Variants in INSYN1 observed in about 807,000 individuals in gnomAD.
The protein encoded by INSYN1 is UPF0583 protein C15orf59.
In INSYN1, 7 loss-of-function variants were observed where a neutral mutation model predicts 17.1. That is an observed-to-expected ratio of 0.41 (90% CI 0.23 to 0.77). The LOEUF (loss-of-function observed/expected upper bound fraction) is 0.77. INSYN1 is among the 30% of genes least tolerant of loss of function. The pLI is 0.32. For synonymous variants in INSYN1, 174 were observed against 166.3 expected, an observed-to-expected ratio of 1.05 and a Z score of -0.36; for missense variants, 339 against 400.6, an observed-to-expected ratio of 0.85 and a Z score of 1.31.
At chr15:73,741,325 G>A (rs1176529171) in intron 2 of INSYN1, among the ~76,000 whole-genome samples, 1 of 152,156 alleles carries the variant, frequency 6.6e-6, no homozygotes, top group Non-Finnish European at 1.5e-5. Context: ...GATCAATCCT[G>A]GCTTGTTGAG....
At chr15:73,749,392 C>A (rs1015738223) in intron 2 of INSYN1, among the ~76,000 whole-genome samples, 3 of 152,060 alleles carry the variant, frequency 2.0e-5, no homozygotes, top group African/African-American at 7.2e-5. Flanking sequence ...GGTGGCTATG[C>A]GGTGGGGAGA....
Position 73,737,480 on chromosome 15 carries a change from T to A in INSYN1, c.*2437A>T, listed in dbSNP as rs1901558737. 1 of 152,238 alleles carries A rather than the reference T, an allele frequency of 6.6e-6. No individual in the cohort carries two copies. The highest frequency in any genetic ancestry group is 2.4e-5 in the African/African-American group (1 of 41,454). 9.4% of individuals were successfully genotyped at this position (152,238 alleles called of 1,614,324 possible). On this transcript the variant is annotated 3_prime_UTR_variant, in exon 3 of 3. Transcript: ENST00000569673. ...CTATCGCTGATCAGCACCAAATGGC[T>A]GAGGATTTCCTGGGGCTGATAGAGG...
rs1199396986 is a variant in INSYN1 at position 73,738,688 on chromosome 15, T to C, written c.*1229A>G. On this transcript the variant is annotated 3_prime_UTR_variant, in exon 3 of 3. Transcript: ENST00000569673. ...ACAGAGCGAGACTCCATCTCAAAAA[T>C]AAAAAAAATAAAAATAAAAAAAGAA... 1 of 148,460 alleles carries C rather than the reference T, an allele frequency of 6.7e-6. No homozygotes were observed. The highest frequency in any genetic ancestry group is 1.5e-5 in the Non-Finnish European group (1 of 66,958). The allele number at this position is 148,460 out of a possible 1,614,324, so 9.2% of individuals were successfully genotyped here.
At chr15:73,750,148 C>T (rs1901941349) in intron 2 of INSYN1, among the ~76,000 whole-genome samples, 1 of 152,228 alleles carries the variant, frequency 6.6e-6, no homozygotes, top group Non-Finnish European at 1.5e-5. Flanking sequence ...GCTAGCAGCT[C>T]AGAACGCTGG....
At position 73,751,311 on chromosome 15, in the gene INSYN1, C is replaced by G; in HGVS notation, c.-181G>C. On this transcript the variant is annotated 5_prime_UTR_variant, in exon 2 of 3. Transcript: ENST00000569673. ...CCCTGCCACCCAGCCTCCTCTGCCTCTGGGTGGAGAGTGGGACACCCAGAG... is the reference window on the plus strand; with the variant it reads ...CCCTGCCACCCAGCCTCCTCTGCCTGTGGGTGGAGAGTGGGACACCCAGAG... The G allele has an allele frequency of 1.6e-6, 1 of 643,994 alleles. No homozygotes were observed. Among genetic ancestry groups the G allele is most frequent in the Non-Finnish European group, 2.7e-6 (1 of 374,938 alleles). The allele number at this position is 643,994 out of a possible 1,614,324, so 39.9% of individuals were successfully genotyped here.
intron 2 of INSYN1, among the ~76,000 whole-genome samples, chr15:73,744,743 GGAGA>G (rs1250630080): frequency 6.6e-6 from 1 of 152,046 alleles, no homozygotes; most frequent in Non-Finnish European, 1.5e-5. Flanking sequence ...AAAGAGAGGG[GGAGA>G]GAGAGAGTGG....
chr15:73,736,682 G>C lies in INSYN1; in HGVS notation c.*3235C>G, dbSNP rs1901537069. ...GAGGCCAAGGTGGGCAGATCACAAA[G>C]TCAAGAGATCAAGACCATCCTGGCC... On this transcript the variant is annotated 3_prime_UTR_variant, in exon 3 of 3. Transcript: ENST00000569673. 1 of 152,230 alleles carries C rather than the reference G, an allele frequency of 6.6e-6. No individual in the cohort carries two copies. The highest frequency in any genetic ancestry group is 2.4e-5 in the African/African-American group (1 of 41,446). The allele number at this position is 152,230 out of a possible 1,614,324, so 9.4% of individuals were successfully genotyped here. A position where few individuals can be genotyped will look rare whatever the true frequency, so the allele number is the denominator to read the frequency against.
rs1322531878 is a variant in INSYN1 at position 73,738,190 on chromosome 15, G to A, written c.*1727C>T. The A allele has an allele frequency of 6.6e-6, 1 of 152,282 alleles. No homozygotes were observed. Among genetic ancestry groups the A allele is most frequent in the African/African-American group, 2.4e-5 (1 of 41,460 alleles). The allele number at this position is 152,282 out of a possible 1,614,324, so 9.4% of individuals were successfully genotyped here. On this transcript the variant is annotated 3_prime_UTR_variant, in exon 3 of 3. Transcript: ENST00000569673. Reference sequence around the variant, plus strand: ...GAGCTCCACAGCAGCTGGTGAGGTAGGTGAAGACTACCAGACCCATTATAC... The same window carrying A: ...GAGCTCCACAGCAGCTGGTGAGGTAAGTGAAGACTACCAGACCCATTATAC...
At chr15:73,744,906 G>A (rs1404775956) in intron 2 of INSYN1, among the ~76,000 whole-genome samples, 1 of 141,530 alleles carries the variant, frequency 7.1e-6, no homozygotes, top group Non-Finnish European at 1.5e-5. Flanking sequence ...GGGACCAGAG[G>A]GTGAGTCTTG....
In INSYN1 at chr15:73,750,989, T is replaced by C; in HGVS notation, c.142A>G (p.Lys48Glu). The C allele has an allele frequency of 6.2e-7, 1 of 1,614,076 alleles. No homozygotes were observed. Among genetic ancestry groups the C allele is most frequent in the Non-Finnish European group, 8.5e-7 (1 of 1,179,994 alleles). ...CCCTCACTTACCTCCCTCAGCTCCTTGGCCACCTCCTTGAGCTCGCGAAGG... is the reference window on the plus strand; with the variant it reads ...CCCTCACTTACCTCCCTCAGCTCCTCGGCCACCTCCTTGAGCTCGCGAAGG... The part of the protein sequence containing the change: ...GILRELKEVA[K>E]ELREVVSQID... The change falls in exon 2 of 3, where the codon AAG (lysine) becomes GAG (glutamate). Residue 48 changes from lysine to glutamate, a missense_variant. By Grantham distance (56) the Lys-to-Glu change is moderately conservative (BLOSUM62 1). Coordinates refer to ENST00000569673, the MANE Select transcript of INSYN1 (RefSeq NM_001039614.3).
intron 2 of INSYN1, among the ~76,000 whole-genome samples, chr15:73,747,844 T>G (rs1023209211): frequency 6.6e-6 from 1 of 152,186 alleles, no homozygotes; most frequent in African/African-American, 2.4e-5. Context: ...TAAGGGCTAA[T>G]TAACGATTGA....
rs762561178 is a variant in INSYN1 at position 73,740,263 on chromosome 15, G to A, written c.536C>T (p.Thr179Ile). ...CCGCACCCTCTCCCGTGTCCCTGGG[G>A]TCCGCTGGGGCAGCTGGCTCTTCAC... is the stretch of plus-strand genomic sequence containing the variant. Reference protein sequence around the residue: ...PTVKSQLPQRTPGTRERVRFS... With the variant: ...PTVKSQLPQRIPGTRERVRFS... Residue 179 changes from threonine to isoleucine, a missense_variant, in exon 3 of 3, where the codon ACC (threonine) becomes ATC (isoleucine). Thr to Ile is a moderately conservative substitution (Grantham distance 89). Coordinates refer to ENST00000569673, the MANE Select transcript of INSYN1 (RefSeq NM_001039614.3). 5.0e-6 allele frequency: 8 copies of A among 1,613,876 alleles called. No homozygotes were observed. The South Asian group carries it at 8.8e-5, about 18-fold the overall frequency.
chr15:73,748,377 T>C (rs1901893116), intron 2 of INSYN1, among the ~76,000 whole-genome samples: 1 of 152,130 alleles, frequency 6.6e-6, no homozygotes, highest in South Asian at 2.1e-4. Context: ...TCACCAAGCA[T>C]ATGTGCAGCC....
At position 73,750,870 on chromosome 15, in the gene INSYN1, T is replaced by G. The variant is rs888188383; in HGVS notation, c.156+105A>C. On this transcript the variant is annotated intron_variant, in intron 2 of 2. Coordinates refer to ENST00000569673, the MANE Select transcript of INSYN1 (RefSeq NM_001039614.3). ...AAGGTCCCCAGTAGAGTGACACATG[T>G]GCACGCAGCTTTGCACACTCCAACG... 2.5e-6 allele frequency: 3 copies of G among 1,219,124 alleles called. No homozygotes were observed. In the African/African-American group the frequency reaches 4.4e-5, roughly 18 times the overall value. 75.5% of individuals were successfully genotyped at this position (1,219,124 alleles called of 1,614,324 possible).
At chr15:73,751,946 TC>T (rs1200732270) in intron 1 of INSYN1, among the ~76,000 whole-genome samples, 163 bp downstream of exon 1, 6 of 61,304 alleles carry the variant, frequency 9.8e-5, no homozygotes, top group Admixed American at 2.8e-4. Flanking sequence ...GCTCCCGCCC[TC>T]CCCCCCCACC....
Position 73,740,628 on chromosome 15 carries a change from G to C in INSYN1, c.171C>G (p.Ile57Met). ...AKELREVVSQIDKLTSDFDFE... is the reference protein window; with the variant it reads ...AKELREVVSQMDKLTSDFDFE... Reference sequence around the variant, plus strand: ...AGTCGAAGTCCGAGGTTAGCTTATCGATCTGGCTCACCACCTGACCAGGGA... The same window carrying C: ...AGTCGAAGTCCGAGGTTAGCTTATCCATCTGGCTCACCACCTGACCAGGGA... The change falls in exon 3 of 3, where the codon ATC (isoleucine) becomes ATG (methionine). Residue 57 changes from isoleucine to methionine, a missense_variant. Ile to Met is a conservative substitution (Grantham distance 10). Coordinates refer to ENST00000569673, the MANE Select transcript of INSYN1 (RefSeq NM_001039614.3). 2 of 1,609,884 alleles carry C rather than the reference G, an allele frequency of 1.2e-6. No individual in the cohort carries two copies. The highest frequency in any genetic ancestry group is 1.7e-6 in the Non-Finnish European group (2 of 1,177,412).
Position 73,751,239 on chromosome 15 carries a change from C to T in INSYN1, c.-109G>A. 7.5e-7 allele frequency: 1 copy of T among 1,339,450 alleles called. No homozygotes were observed. Among genetic ancestry groups the T allele is most frequent in the East Asian group, 2.5e-5 (1 of 39,758 alleles). 83.0% of individuals were successfully genotyped at this position (1,339,450 alleles called of 1,614,324 possible). On this transcript the variant is annotated 5_prime_UTR_variant, in exon 2 of 3. Coordinates refer to ENST00000569673, the MANE Select transcript of INSYN1 (RefSeq NM_001039614.3). ...TGGGCAGAGCTCCACATTTTAACGG[C>T]CCCCCAGCCCACCCTGGCCCTGGGC...
chr15:73,745,262 C>T (rs2141468616), intron 2 of INSYN1, among the ~76,000 whole-genome samples: 1 of 152,162 alleles, frequency 6.6e-6, no homozygotes, highest in Non-Finnish European at 1.5e-5. Context: ...CACCCCCTTT[C>T]CTCTCCAGCA....
rs1323182111 is a variant in INSYN1, at chr15:73,736,822, G to C, written c.*3095C>G. 2 of 152,206 alleles carry C rather than the reference G, an allele frequency of 1.3e-5. No individual in the cohort carries two copies. Among genetic ancestry groups the C allele is most frequent in the African/African-American group, 2.4e-5 (1 of 41,402 alleles). 9.4% of individuals were successfully genotyped at this position (152,206 alleles called of 1,614,324 possible). On this transcript the variant is annotated 3_prime_UTR_variant, in exon 3 of 3. Coordinates refer to ENST00000569673, the MANE Select transcript of INSYN1 (RefSeq NM_001039614.3). ...GAGACAGGAGAATTGTTTGAACCTGGGAGGTGGAAGTTGCAGTGAGCTGAA... is the reference window on the plus strand; with the variant it reads ...GAGACAGGAGAATTGTTTGAACCTGCGAGGTGGAAGTTGCAGTGAGCTGAA...
Sources: gnomAD v4.1 joint callset for allele counts (sites outside exome capture counted in the v4.1 genomes callset) on GRCh38, gnomAD v4.1.1 for gene constraint, MANE v1.5 for transcripts, NCBI Gene and HGNC (gene_info 2026-07-23, HGNC 2026-07-21) for gene names.